The following NRDE2 variants were observed in gnomAD, a reference collection of about 807,000 sequenced individuals.
The protein encoded by NRDE2 is nuclear exosome regulator NRDE2.
Under a neutral mutation model 124.2 loss-of-function variants are expected in NRDE2, and 76 were observed. That is an observed-to-expected ratio of 0.61 (90% CI 0.51 to 0.74). The LOEUF (loss-of-function observed/expected upper bound fraction) is 0.74. Among genes scored for constraint, NRDE2 ranks in the 30% least tolerant of loss-of-function variants. The pLI is 0.00. For synonymous variants in NRDE2, 489 were observed against 528.1 expected, an observed-to-expected ratio of 0.93 and a Z score of 1.01; for missense variants, 1,314 against 1,417.3, an observed-to-expected ratio of 0.93 and a Z score of 1.17.
At chr14:90,290,847 G>GC (rs60161829) in intron 9 of NRDE2, among the ~76,000 whole-genome samples, 20,344 of 152,236 alleles carry the variant, frequency 0.13, 1,582 homozygotes, top group East Asian at 0.21. Context: ...ACATGGGAAA[G>GC]CCTGAGGAGG....
rs73316773 is a variant in NRDE2, at chr14:90,274,459, A to C, written c.*3877T>G. 20,318 of 152,748 alleles carry C rather than the reference A, an allele frequency of 0.13. 1,565 individuals are homozygous for C. The highest frequency in any genetic ancestry group is 0.21 in the East Asian group (1,097 of 5,178). The allele number at this position is 152,748 out of a possible 1,614,324, so 9.5% of individuals were successfully genotyped here. A position where few individuals can be genotyped will look rare whatever the true frequency, so the allele number is the denominator to read the frequency against. The stretch of plus-strand genomic sequence containing the variant: ...TTAGACACAGAAAGAAGAAAACAAG[A>C]ACGACCTCTGTCCACTGGGAGCACC... On this transcript the variant is annotated 3_prime_UTR_variant, in exon 14 of 14. Transcript: ENST00000354366.
chr14:90,313,936 A>G (rs750271149), intron 3 of NRDE2, among the ~76,000 whole-genome samples: 3 of 152,252 alleles, frequency 2.0e-5, no homozygotes, highest in Non-Finnish European at 2.9e-5. Context: ...TACAAAAACC[A>G]TAACGGGCAA....
At position 90,269,505 on chromosome 14, in the gene NRDE2, C is replaced by T. The variant is rs141831705; in HGVS notation, c.*8831G>A. On this transcript the variant is annotated 3_prime_UTR_variant, in exon 14 of 14. Transcript: ENST00000354366. The stretch of plus-strand genomic sequence containing the variant: ...GGGGAGATGTGAAAGTTATCATGGC[C>T]ACAAACCGAATAGAAACTTTGGATC... 1.9e-6 allele frequency: 3 copies of T among 1,613,820 alleles called. No individual in the cohort carries two copies. The African/African-American group carries it at 4.0e-5, about 22-fold the overall frequency.
intron 1 of NRDE2, among the ~76,000 whole-genome samples, chr14:90,323,095 T>C (rs1219375663): frequency 6.6e-6 from 1 of 152,030 alleles, no homozygotes; most frequent in African/African-American, 2.4e-5. Flanking sequence ...CACCAAGAAA[T>C]GTGGAAACAT....
At chr14:90,307,208 C>T (rs1884637528) in intron 4 of NRDE2, among the ~76,000 whole-genome samples, 1 of 152,286 alleles carries the variant, frequency 6.6e-6, no homozygotes, top group South Asian at 2.1e-4. Flanking sequence ...TAAAGCATCT[C>T]CTCATACCAT....
At chr14:90,293,200 C>A (rs906847895) in intron 8 of NRDE2, among the ~76,000 whole-genome samples, 1 of 152,098 alleles carries the variant, frequency 6.6e-6, no homozygotes, top group Admixed American at 6.6e-5. Context: ...AACAGGGTAG[C>A]CACATGTGAC....
chr14:90,269,799 C>A lies in NRDE2; in HGVS notation c.*8537G>T. ...TTTTCCATAACATTCCCTTTTTAGC[C>A]TCAAGAACTTGCTGCTTTTTCTGGA... On this transcript the variant is annotated 3_prime_UTR_variant, in exon 14 of 14. Coordinates refer to ENST00000354366, the MANE Select transcript of NRDE2 (RefSeq NM_017970.4). 1 of 427,016 alleles carries A rather than the reference C, an allele frequency of 2.3e-6. No homozygotes were observed. The highest frequency in any genetic ancestry group is 4.1e-6 in the Non-Finnish European group (1 of 243,704). 26.5% of individuals were successfully genotyped at this position (427,016 alleles called of 1,614,324 possible). A position where few individuals can be genotyped will look rare whatever the true frequency, so the allele number is the denominator to read the frequency against.
At chr14:90,285,656 A>G (rs1432721620) in intron 12 of NRDE2, among the ~76,000 whole-genome samples, 1 of 151,824 alleles carries the variant, frequency 6.6e-6, no homozygotes, top group African/African-American at 2.4e-5. Context: ...TTTAAGAGAC[A>G]AGGTCTCATT....
chr14:90,290,096 G>A (rs993337021), intron 10 of NRDE2, 125 bp downstream of exon 10: 2 of 1,028,362 alleles, frequency 1.9e-6, no homozygotes, highest in South Asian at 3.3e-5. Context: ...TGCCTTCAGG[G>A]TCACTGGAGG....
In NRDE2 at chr14:90,322,070, G is replaced by C. The variant is rs1328432229; in HGVS notation, c.65-3957C>G. ...CCAGTTCTCTCCACCCCACGCCACG[G>C]AGCTTCTCTTCACTTCCTCAACTAA... On this transcript the variant is annotated intron_variant, in intron 1 of 13. Coordinates refer to ENST00000354366, the MANE Select transcript of NRDE2 (RefSeq NM_017970.4). Among the ~76,000 whole-genome samples the C allele has an allele frequency of 2.6e-5, 4 of 152,226 alleles. No homozygotes were observed. The East Asian group carries it at 5.8e-4, about 22-fold the overall frequency.
At chr14:90,300,131 T>C (rs1884340295) in intron 7 of NRDE2, among the ~76,000 whole-genome samples, 1 of 152,182 alleles carries the variant, frequency 6.6e-6, no homozygotes, top group Non-Finnish European at 1.5e-5. Flanking sequence ...CACTCTGTTC[T>C]TATCACAGAG....
chr14:90,268,203 T>TA lies in NRDE2; in HGVS notation c.*10132dup. 3 of 1,543,446 alleles carry TA rather than the reference T, an allele frequency of 1.9e-6. No individual in the cohort carries two copies. Among genetic ancestry groups the TA allele is most frequent in the East Asian group, 2.3e-5 (1 of 44,182 alleles). ...GCACTTAAGGTGTCTTTTTTTTTTTTATCTTTTTCATCCAAAATAGGTAAA... is the reference window on the plus strand; with the variant it reads ...GCACTTAAGGTGTCTTTTTTTTTTTTAATCTTTTTCATCCAAAATAGGTAAA... On this transcript the variant is annotated 3_prime_UTR_variant, in exon 14 of 14. Transcript: ENST00000354366.
chr14:90,312,822 T>C (rs1189602616), intron 3 of NRDE2, among the ~76,000 whole-genome samples: 5 of 152,180 alleles, frequency 3.3e-5, no homozygotes, highest in Non-Finnish European at 5.9e-5. Flanking sequence ...AGAATATAGG[T>C]ATACAGCAGT....
At chr14:90,309,966 G>A (rs1387791118) in intron 4 of NRDE2, among the ~76,000 whole-genome samples, 1 of 152,164 alleles carries the variant, frequency 6.6e-6, no homozygotes, top group Non-Finnish European at 1.5e-5. Context: ...ATTAGCAGAA[G>A]CTCAAGAGCC....
chr14:90,290,250 AGCAGAGCTG>A lies in NRDE2; in HGVS notation c.2191_2199del (p.Gln731_Cys733del). On this transcript the variant is annotated inframe_deletion, in exon 10 of 14. Transcript: ENST00000354366. Reference sequence around the variant, plus strand: ...GCAATCTCATACTGTAACCAGGAGAAGCAGAGCTGGGACTTCTCTTTGCCTGAAAATAAA... The same window carrying A: ...GCAATCTCATACTGTAACCAGGAGAAGGACTTCTCTTTGCCTGAAAATAAA... The A allele has an allele frequency of 6.2e-7, 1 of 1,614,072 alleles. No homozygotes were observed. The highest frequency in any genetic ancestry group is 1.3e-5 in the African/African-American group (1 of 75,068).
chr14:90,285,807 A>C (rs1176993050), intron 12 of NRDE2, among the ~76,000 whole-genome samples: 1 of 151,196 alleles, frequency 6.6e-6, no homozygotes, highest in Admixed American at 6.6e-5. Flanking sequence ...CTAATGTTTT[A>C]ATTTTTTTGT....
chr14:90,327,774 G>A (rs1267675290), intron 1 of NRDE2, among the ~76,000 whole-genome samples: 1 of 152,194 alleles, frequency 6.6e-6, no homozygotes, highest in African/African-American at 2.4e-5. Context: ...AAGGCAGGTG[G>A]ATCGCTTGAG....
intron 4 of NRDE2, among the ~76,000 whole-genome samples, chr14:90,306,343 C>T (rs1884601293): frequency 6.6e-6 from 1 of 152,206 alleles, no homozygotes; most frequent in South Asian, 2.1e-4. Flanking sequence ...CCTCACTGAC[C>T]AAACACAGCA....
intron 3 of NRDE2, among the ~76,000 whole-genome samples, chr14:90,315,622 C>T (rs1885015989): frequency 6.6e-6 from 1 of 152,144 alleles, no homozygotes; most frequent in Non-Finnish European, 1.5e-5. Flanking sequence ...AGCACCTATG[C>T]TGTGGCCATT....
Sources: gnomAD v4.1 joint callset for allele counts (sites outside exome capture counted in the v4.1 genomes callset) on GRCh38, gnomAD v4.1.1 for gene constraint, MANE v1.5 for transcripts, NCBI Gene and HGNC (gene_info 2026-07-23, HGNC 2026-07-21) for gene names.